Variants in SLC25A40 observed in about 807,000 individuals in gnomAD.
SLC25A40 encodes solute carrier family 25 member 40.
A neutral mutation model predicts 46.5 loss-of-function variants in SLC25A40; 41 were observed. The ratio of observed to expected loss-of-function variants is 0.88; its 90% confidence interval spans 0.69 to 1.14. The LOEUF (loss-of-function observed/expected upper bound fraction) is 1.14, where lower values mean the gene tolerates loss of function less well. Ranked by LOEUF, SLC25A40 falls within the 50% of genes most tolerant of loss-of-function variation. The probability of loss-of-function intolerance (pLI) is 0.00; values close to 1 mark genes in which losing one functional copy is unlikely to be tolerated. For synonymous variants in SLC25A40, 126 were observed against 127.5 expected (o/e 0.99, Z 0.08); for missense variants, 386 against 393.6 (o/e 0.98, Z 0.16).
chr7:87,860,831 C>G (rs543171933), intron 1 of SLC25A40, among the ~76,000 whole-genome samples, 191 bp from the exon 2 acceptor site: 9 of 144,184 alleles, frequency 6.2e-5, no homozygotes, highest in African/African-American at 2.2e-4. Flanking sequence ...AGCATTTTCA[C>G]AAAAACCTCA....
intron 5 of SLC25A40, among the ~76,000 whole-genome samples, chr7:87,853,745 G>T (rs2131008116): frequency 6.6e-6 from 1 of 152,268 alleles, no homozygotes; most frequent in African/African-American, 2.4e-5. Context: ...TTATATAAAT[G>T]AAGAACAAAT....
chr7:87,859,530 T>C (rs1838665696), intron 2 of SLC25A40, among the ~76,000 whole-genome samples: 1 of 152,184 alleles, frequency 6.6e-6, no homozygotes, highest in South Asian at 2.1e-4. Context: ...TGTATATGTC[T>C]ATACACACAC....
intron 3 of SLC25A40, among the ~76,000 whole-genome samples, chr7:87,856,827 T>C (rs1349963721): frequency 6.6e-6 from 1 of 152,146 alleles, no homozygotes; most frequent in African/African-American, 2.4e-5. Context: ...GTTATGTTAT[T>C]CCATTTGGGC....
rs557914645 is a variant in SLC25A40, at chr7:87,854,359, T to C, written c.158-49A>G. 8.2e-6 allele frequency: 9 copies of C among 1,091,798 alleles called. No individual in the cohort carries two copies. The South Asian group carries it at 1.2e-4, about 15-fold the overall frequency. The allele number at this position is 1,091,798 out of a possible 1,614,324, so 67.6% of individuals were successfully genotyped here. A position where few individuals can be genotyped will look rare whatever the true frequency, so the allele number is the denominator to read the frequency against. The stretch of plus-strand genomic sequence containing the variant: ...CAACAATTACCTCACATAACTGTTA[T>C]TATTTTTACAGATGAACAAATTGAC... On this transcript the variant is annotated intron_variant, in intron 4 of 11. Coordinates refer to ENST00000341119, the MANE Select transcript of SLC25A40 (RefSeq NM_018843.4).
At position 87,854,228 on chromosome 7, in the gene SLC25A40, C is replaced by T; in HGVS notation, c.240G>A (p.Lys80=). Residue 80 remains lysine (K), a synonymous_variant, in exon 5 of 12, where the codon AAG becomes AAA. Transcript: ENST00000341119. ...EEGGNKLWYK[K]PGNFQGTLDA... ...CCAATGTTCCCTGGAAATTTCCTGG[C>T]TTCTTATACCATAGTTTGTTGCCTC... 4 of 1,612,404 alleles carry T rather than the reference C, an allele frequency of 2.5e-6. No homozygotes were observed. Among genetic ancestry groups the T allele is most frequent in the Non-Finnish European group, 3.4e-6 (4 of 1,178,698 alleles).
chr7:87,854,971 G>T (rs1285162348), intron 4 of SLC25A40, among the ~76,000 whole-genome samples: 1 of 151,950 alleles, frequency 6.6e-6, no homozygotes, highest in Non-Finnish European at 1.5e-5. Flanking sequence ...TTCAGCCTGG[G>T]CTACACAGTG....
chr7:87,871,307 T>G (rs1203266979), intron 1 of SLC25A40, among the ~76,000 whole-genome samples: 1 of 152,182 alleles, frequency 6.6e-6, no homozygotes, highest in Non-Finnish European at 1.5e-5. Context: ...ATAATAGCAT[T>G]GAACTGAGGC....
At chr7:87,842,028 G>A (rs1466563370) in intron 9 of SLC25A40, 1 of 387,196 alleles carries the variant, frequency 2.6e-6, no homozygotes, top group Non-Finnish European at 5.2e-6. Context: ...ACGCTCCTTT[G>A]TGTTCTATTA....
intron 2 of SLC25A40, 28 bp from the exon 3 acceptor site, chr7:87,858,779 G>T: frequency 8.1e-7 from 1 of 1,229,334 alleles, no homozygotes; most frequent in Non-Finnish European, 1.2e-6. Context: ...TAAAATTAGA[G>T]CACATCCTCT....
At chr7:87,838,615 T>C (rs138491349) in intron 10 of SLC25A40, among the ~76,000 whole-genome samples, 164 of 151,594 alleles carry the variant, frequency 1.1e-3, no homozygotes, top group African/African-American at 3.9e-3. Flanking sequence ...CCTCTATATA[T>C]TCCTCCCCAA....
chr7:87,852,300 G>A (rs1838525944), intron 5 of SLC25A40, among the ~76,000 whole-genome samples: 1 of 152,142 alleles, frequency 6.6e-6, no homozygotes, highest in South Asian at 2.1e-4. Flanking sequence ...AATAAATAAG[G>A]ACCAGATGCT....
At chr7:87,874,524 C>T (rs1401348225) in intron 1 of SLC25A40, among the ~76,000 whole-genome samples, 2 of 152,052 alleles carry the variant, frequency 1.3e-5, no homozygotes, top group African/African-American at 2.4e-5. Context: ...CTCAAATTAC[C>T]CTTAAGGAAA....
At position 87,835,781 on chromosome 7, in the gene SLC25A40, C is replaced by A. The variant is rs189637837; in HGVS notation, c.*468G>T. 6.6e-6 allele frequency: 1 copy of A among 152,090 alleles called. No homozygotes were observed. The highest frequency in any genetic ancestry group is 2.4e-5 in the African/African-American group (1 of 41,376). The allele number at this position is 152,090 out of a possible 1,614,324, so 9.4% of individuals were successfully genotyped here. A position where few individuals can be genotyped will look rare whatever the true frequency, so the allele number is the denominator to read the frequency against. Reference sequence around the variant, plus strand: ...ACAGGCAATATTTGGTCGATGTAAACAATGCTATTTAACGAGTGCTTTATC... The same window carrying A: ...ACAGGCAATATTTGGTCGATGTAAAAAATGCTATTTAACGAGTGCTTTATC... On this transcript the variant is annotated 3_prime_UTR_variant, in exon 12 of 12. Coordinates refer to ENST00000341119, the MANE Select transcript of SLC25A40 (RefSeq NM_018843.4).
intron 1 of SLC25A40, among the ~76,000 whole-genome samples, chr7:87,866,494 T>C (rs1379884733): frequency 1.3e-5 from 2 of 152,176 alleles, no homozygotes. Flanking sequence ...CTTTTAGAGT[T>C]TGATTATTAT....
chr7:87,871,653 A>T (rs940400785), intron 1 of SLC25A40, among the ~76,000 whole-genome samples: 10 of 152,230 alleles, frequency 6.6e-5, no homozygotes, highest in Admixed American at 5.2e-4. Flanking sequence ...TTCCTGGAAT[A>T]AACCTCCATT....
chr7:87,860,239 CATG>C (rs1356204630), intron 2 of SLC25A40: 1 of 152,106 alleles, frequency 6.6e-6, no homozygotes, highest in Non-Finnish European at 1.5e-5. Context: ...TACAAATTGC[CATG>C]ATGCTTTCCA....
At chr7:87,846,784 A>T (rs1040802516) in intron 8 of SLC25A40, among the ~76,000 whole-genome samples, 165 bp downstream of exon 8, 1 of 152,236 alleles carries the variant, frequency 6.6e-6, no homozygotes, top group African/African-American at 2.4e-5. Flanking sequence ...TTCATTCAAT[A>T]AAAGCTTGGA....
chr7:87,858,508 T>C, intron 3 of SLC25A40, 123 bp downstream of exon 3: 1 of 631,594 alleles, frequency 1.6e-6, no homozygotes, highest in East Asian at 2.8e-5. Context: ...ACTCTTTATT[T>C]CTCAGCCAGC....
chr7:87,854,673 G>A (rs568380654), intron 4 of SLC25A40, among the ~76,000 whole-genome samples: 22 of 151,902 alleles, frequency 1.4e-4, no homozygotes, highest in Middle Eastern at 6.8e-3. Flanking sequence ...TTAGCTGGGC[G>A]TGGTGGCGGG....
Sources: allele counts gnomAD v4.1 joint callset (sites outside exome capture counted in the v4.1 genomes callset), GRCh38; gene constraint gnomAD v4.1.1; transcripts MANE v1.5; gene names NCBI Gene and HGNC (gene_info 2026-07-23, HGNC 2026-07-21).